The following PPP1R14C variants were observed in gnomAD, a reference collection of about 807,000 sequenced individuals.
PPP1R14C encodes the protein protein phosphatase 1 regulatory inhibitor subunit 14C.
A neutral mutation model predicts 20.4 loss-of-function variants in PPP1R14C; 16 were observed. The observed-to-expected ratio is 0.78, with a 90% CI of 0.53 to 1.19. The LOEUF (loss-of-function observed/expected upper bound fraction) is 1.19. PPP1R14C is among the 50% of genes most tolerant of loss of function. The pLI, the probability that PPP1R14C is intolerant of heterozygous loss-of-function variation, is 0.00. For missense variants in PPP1R14C, 211 were observed against 220.1 expected, an observed-to-expected ratio of 0.96 and a Z score of 0.26; for synonymous variants, 91 against 91.0, an observed-to-expected ratio of 1.00 and a Z score of 0.00.
rs965229957 is a variant in PPP1R14C at position 150,143,057 on chromosome 6, G to A, written c.-136G>A. On this transcript the variant is annotated 5_prime_UTR_variant, in exon 1 of 4. Coordinates refer to ENST00000361131, the MANE Select transcript of PPP1R14C (RefSeq NM_030949.3). The surrounding 1 kb of genome is among the most constrained non-coding windows in gnomAD (Gnocchi z 5.6). ...TCCCGCCCTCCCAGAGCAGCCGGGC[G>A]GCTGGGCGCGCGCGGCGCAGAGCAG... 24 of 1,074,318 alleles carry A rather than the reference G, an allele frequency of 2.2e-5. No homozygotes were observed. The South Asian group carries it at 9.0e-4, about 40-fold the overall frequency. 66.5% of individuals were successfully genotyped at this position (1,074,318 alleles called of 1,614,324 possible). A position where few individuals can be genotyped will look rare whatever the true frequency, so the allele number is the denominator to read the frequency against.
chr6:150,147,126 CTT>C (rs557703706), intron 1 of PPP1R14C, among the ~76,000 whole-genome samples: 44 of 133,290 alleles, frequency 3.3e-4, no homozygotes, highest in East Asian at 3.1e-3. Flanking sequence ...GTTTAAAGAC[CTT>C]TTTTTTTTTT....
intron 3 of PPP1R14C, among the ~76,000 whole-genome samples, chr6:150,243,337 G>A (rs1277878423): frequency 6.6e-6 from 1 of 151,952 alleles, no homozygotes; most frequent in Admixed American, 6.6e-5. Context: ...CACCATGCCT[G>A]GCTAATTTTT....
At chr6:150,171,553 A>G (rs779286724) in intron 1 of PPP1R14C, among the ~76,000 whole-genome samples, 3 of 152,176 alleles carry the variant, frequency 2.0e-5, no homozygotes, top group Non-Finnish European at 4.4e-5. Context: ...ACGTCTCCAC[A>G]CAGAATCTGT....
At chr6:150,149,443 A>ATTTTTTTTTTT (rs1216146263) in intron 1 of PPP1R14C, among the ~76,000 whole-genome samples, 6 of 119,936 alleles carry the variant, frequency 5.0e-5, no homozygotes, top group African/African-American at 1.3e-4. Context: ...CTCCCACCTA[A>ATTTTTTTTTTT]TTTTTTTTTT....
intron 3 of PPP1R14C, among the ~76,000 whole-genome samples, chr6:150,247,971 T>A (rs1227410215): frequency 6.6e-6 from 1 of 152,218 alleles, no homozygotes; most frequent in Non-Finnish European, 1.5e-5. Flanking sequence ...CTCACAGTTC[T>A]GGAGGCTGGG....
At chr6:150,147,630 G>T (rs1184370142) in intron 1 of PPP1R14C, among the ~76,000 whole-genome samples, 2 of 152,172 alleles carry the variant, frequency 1.3e-5, no homozygotes, top group Non-Finnish European at 2.9e-5. Flanking sequence ...AATTCAATTT[G>T]CTTTGGAAAT....
At chr6:150,191,877 T>C (rs1225361141) in intron 1 of PPP1R14C, among the ~76,000 whole-genome samples, 1 of 152,132 alleles carries the variant, frequency 6.6e-6, no homozygotes, top group Non-Finnish European at 1.5e-5. Context: ...ATGAAGGAAA[T>C]GGTTTCAGGC....
At chr6:150,237,281 G>A (rs1429750732) in intron 3 of PPP1R14C, among the ~76,000 whole-genome samples, 1 of 152,106 alleles carries the variant, frequency 6.6e-6, no homozygotes, top group East Asian at 1.9e-4. Context: ...TCAGCTCACT[G>A]CAACCTCCAC....
At position 150,201,572 on chromosome 6, in the gene PPP1R14C, C is replaced by G. The variant is rs1777878022; in HGVS notation, c.307-13172C>G. ...CCGGGAGCCCAGCAGGGGAAGCCTT[C>G]CAGGCAGAGGTAAGACTGTTGGTCC... On this transcript the variant is annotated intron_variant, in intron 1 of 3. Transcript: ENST00000361131. This position sits in a 1 kb window ranked among gnomAD's most constrained non-coding sequence, Gnocchi z 4.2. Among the ~76,000 whole-genome samples, 1 of 152,060 alleles carries G rather than the reference C, an allele frequency of 6.6e-6. No homozygotes were observed. Among genetic ancestry groups the G allele is most frequent in the Non-Finnish European group, 1.5e-5 (1 of 68,022 alleles).
chr6:150,167,991 T>TCCCC lies in PPP1R14C; in HGVS notation c.306+24493_306+24494insCCCC, dbSNP rs1313491667. On this transcript the variant is annotated intron_variant, in intron 1 of 3. Transcript: ENST00000361131. ...CTTTCTCTCCTTCTCTCCTCCCCTC[T>TCCCC]TCCTCTCCCCCTTGCTTTCCTCCCA... Among the ~76,000 whole-genome samples, 43 of 80,026 alleles carry TCCCC rather than the reference T, an allele frequency of 5.4e-4. 3 individuals are homozygous for TCCCC. Among genetic ancestry groups the TCCCC allele is most frequent in the East Asian group, 1.8e-3 (4 of 2,284 alleles). 52.5% of individuals were successfully genotyped at this position (80,026 alleles called of 152,430 possible).
At chr6:150,146,664 GCA>G (rs1777183685) in intron 1 of PPP1R14C, among the ~76,000 whole-genome samples, 1 of 152,168 alleles carries the variant, frequency 6.6e-6, no homozygotes, top group South Asian at 2.1e-4. Flanking sequence ...TGATGCCTCT[GCA>G]CACACCAGTG....
At chr6:150,192,266 A>G (rs1056637879) in intron 1 of PPP1R14C, among the ~76,000 whole-genome samples, 9 of 152,076 alleles carry the variant, frequency 5.9e-5, no homozygotes, top group East Asian at 1.9e-4. Flanking sequence ...GTGGTCCCCA[A>G]CCTTTTTGGC....
intron 3 of PPP1R14C, among the ~76,000 whole-genome samples, chr6:150,243,869 G>A (rs1487636442): frequency 6.6e-6 from 1 of 152,234 alleles, no homozygotes; most frequent in Non-Finnish European, 1.5e-5. Context: ...CCATGCAGCA[G>A]TGTAGCTGAA....
chr6:150,149,443 ATTTTTTTTTTTCTTTTTTTT>A (rs1332451664), intron 1 of PPP1R14C, among the ~76,000 whole-genome samples: 27 of 119,944 alleles, frequency 2.3e-4, no homozygotes, highest in Admixed American at 2.6e-4. Context: ...CTCCCACCTA[ATTTTTTTTTTTCTTTTTTTT>A]TTTTTTTTTT....
intron 1 of PPP1R14C, among the ~76,000 whole-genome samples, chr6:150,207,390 T>C (rs1212040098): frequency 6.6e-6 from 1 of 152,246 alleles, no homozygotes; most frequent in Non-Finnish European, 1.5e-5. Context: ...CCTGTGCAGA[T>C]GGGTGCCCGG....
chr6:150,147,973 T>C (rs1777198483), intron 1 of PPP1R14C, among the ~76,000 whole-genome samples: 2 of 152,212 alleles, frequency 1.3e-5, no homozygotes, highest in African/African-American at 2.4e-5. Flanking sequence ...AGTCATAGGG[T>C]ACCACTTAAT....
chr6:150,195,069 T>C, intron 1 of PPP1R14C: 2 of 985,048 alleles, frequency 2.0e-6, no homozygotes, highest in Non-Finnish European at 2.4e-6. Context: ...TATGACCATC[T>C]TCAAATCTGT....
intron 3 of PPP1R14C, among the ~76,000 whole-genome samples, chr6:150,230,246 A>C (rs977186632): frequency 6.6e-6 from 1 of 152,034 alleles, no homozygotes; most frequent in Non-Finnish European, 1.5e-5. Flanking sequence ...CCCGCTTCAC[A>C]CTTTGCCTGC....
rs1777876146 is a variant in PPP1R14C, at chr6:150,201,431, C to T, written c.307-13313C>T. On this transcript the variant is annotated intron_variant, in intron 1 of 3. Coordinates refer to ENST00000361131, the MANE Select transcript of PPP1R14C (RefSeq NM_030949.3). This position sits in a 1 kb window ranked among gnomAD's most constrained non-coding sequence, Gnocchi z 4.2. ...ACAAGAAGAGTGTCCTACACATGCA[C>T]CCAGCACGTGCAAAGGCCCTGTGGA... Among the ~76,000 whole-genome samples the T allele has an allele frequency of 6.6e-6, 1 of 152,126 alleles. No homozygotes were observed. The highest frequency in any genetic ancestry group is 2.4e-5 in the African/African-American group (1 of 41,406).
Sources: gnomAD v4.1 joint callset for allele counts (sites outside exome capture counted in the v4.1 genomes callset) on GRCh38, gnomAD v4.1.1 for gene constraint, Gnocchi (gnomAD v3.1) non-coding constraint, MANE v1.5 for transcripts, NCBI Gene and HGNC (gene_info 2026-07-23, HGNC 2026-07-21) for gene names.